Variants in RFC1 observed in about 807,000 individuals in gnomAD.
RFC1 encodes the protein replication factor C subunit 1.
Under a neutral mutation model 137.4 loss-of-function variants are expected in RFC1, and 37 were observed. That is an observed-to-expected ratio of 0.27 (90% CI 0.21 to 0.35). The LOEUF is 0.35. Among genes scored for constraint, RFC1 ranks in the 10% least tolerant of loss-of-function variants. The probability of loss-of-function intolerance (pLI) is 1.00; values close to 1 mark genes in which losing one functional copy is unlikely to be tolerated. For synonymous variants in RFC1, 429 were observed against 455.7 expected (o/e 0.94, Z 0.75); for missense variants, 1,205 against 1,358.5 (o/e 0.89, Z 1.78).
Position 39,303,120 on chromosome 4 carries a change from A to G in RFC1, c.2142T>C (p.His714=). The change falls in exon 16 of 25, where the codon CAT becomes CAC. Residue 714 remains histidine (H), a synonymous_variant. Coordinates refer to ENST00000349703, the MANE Select transcript of RFC1 (RefSeq NM_002913.5). ...NGAASSVSTK[H]ALIMDEVDGM... ...CATCTACTTCATCCATGATGAGAGC[A>G]TGTTTCGTGCTTACTGAAGAGGCTG... The G allele has an allele frequency of 1.9e-6, 3 of 1,613,940 alleles. No individual in the cohort carries two copies. The highest frequency in any genetic ancestry group is 1.7e-5 in the Admixed American group (1 of 60,020).
chr4:39,342,667 CTT>C (rs1740664229), intron 3 of RFC1, among the ~76,000 whole-genome samples, 200 bp from the exon 4 acceptor site: 1 of 152,162 alleles, frequency 6.6e-6, no homozygotes, highest in African/African-American at 2.4e-5. Flanking sequence ...TGACCACAAA[CTT>C]AGTGGCTTAA....
chr4:39,355,060 C>T (rs1477239513), intron 1 of RFC1, among the ~76,000 whole-genome samples: 3 of 136,388 alleles, frequency 2.2e-5, no homozygotes, highest in African/African-American at 8.4e-5. Context: ...CCAGTCTGGG[C>T]GACAGAGCGA....
intron 2 of RFC1, among the ~76,000 whole-genome samples, chr4:39,349,766 A>T (rs1479231514): frequency 6.6e-6 from 1 of 152,214 alleles, no homozygotes; most frequent in African/African-American, 2.4e-5. Context: ...GCACTTCAGG[A>T]GGCCGAGGCA....
At chr4:39,365,030 T>C (rs1305780194) in intron 1 of RFC1, among the ~76,000 whole-genome samples, 1 of 151,948 alleles carries the variant, frequency 6.6e-6, no homozygotes, top group Non-Finnish European at 1.5e-5. Flanking sequence ...TAGTATAACA[T>C]GGTGGTCAGA....
At chr4:39,337,813 T>C (rs1444770098) in intron 4 of RFC1, among the ~76,000 whole-genome samples, 1 of 152,190 alleles carries the variant, frequency 6.6e-6, no homozygotes, top group Non-Finnish European at 1.5e-5. Context: ...TCACTCTTAT[T>C]ACATGGTAAC....
In RFC1 at chr4:39,304,825, C is replaced by T. The variant is rs781015457; in HGVS notation, c.2099G>A (p.Gly700Asp). 1 of 1,600,150 alleles carries T rather than the reference C, an allele frequency of 6.2e-7. No individual in the cohort carries two copies. Among genetic ancestry groups the T allele is most frequent in the Non-Finnish European group, 8.6e-7 (1 of 1,167,414 alleles). Residue 700 changes from glycine (G) to aspartate (D), a missense_variant, in exon 15 of 25, where the codon GGC (glycine) becomes GAC (aspartate). By Grantham distance (94) the Gly-to-Asp change is moderately conservative. Transcript: ENST00000349703. ...AESLNNTSIK[G>D]FYSNGAASSV... The stretch of plus-strand genomic sequence containing the variant: ...AAAAAGCCACATACTTGAATAAAAG[C>T]CTTTGATGCTGGTATTGTTCAGTGA...
intron 1 of RFC1, among the ~76,000 whole-genome samples, chr4:39,357,377 T>C (rs1409367002): frequency 1.3e-5 from 2 of 152,210 alleles, no homozygotes. Flanking sequence ...AAATACTCTA[T>C]CACAGAAGTT....
At chr4:39,328,590 G>C (rs1201670242) in intron 4 of RFC1, among the ~76,000 whole-genome samples, 2 of 152,206 alleles carry the variant, frequency 1.3e-5, no homozygotes, top group Non-Finnish European at 2.9e-5. Context: ...GAAAAGCCGA[G>C]ACGGAAGTGT....
chr4:39,289,880 G>C lies in RFC1; in HGVS notation c.3328C>G (p.Gln1110Glu). Residue 1110 changes from glutamine (Q) to glutamate (E), a missense_variant, in exon 24 of 25, where the codon CAA becomes GAA. By Grantham distance (29) the Gln-to-Glu change is conservative (BLOSUM62 2). Coordinates refer to ENST00000349703, the MANE Select transcript of RFC1 (RefSeq NM_002913.5). ...EDDSQSDEKDQDAIETDAMIK... is the reference protein window; with the variant it reads ...EDDSQSDEKDEDAIETDAMIK... The stretch of plus-strand genomic sequence containing the variant: ...ATGGCATCAGTTTCTATAGCATCTT[G>C]GTCTTTCTCATCAGATTGAGAGTCA... The C allele has an allele frequency of 6.2e-7, 1 of 1,612,610 alleles. No individual in the cohort carries two copies. Among genetic ancestry groups the C allele is most frequent in the Non-Finnish European group, 8.5e-7 (1 of 1,178,686 alleles).
At chr4:39,345,597 T>A (rs1355633521) in intron 2 of RFC1, 121 bp from the exon 3 acceptor site, 3 of 689,878 alleles carry the variant, frequency 4.3e-6, no homozygotes, top group East Asian at 5.9e-5. Flanking sequence ...CTCGGCTCAC[T>A]GCAAGCTCCG....
intron 16 of RFC1, 21 bp downstream of exon 16, chr4:39,303,039 A>G (rs977033085): frequency 6.3e-7 from 1 of 1,585,052 alleles, no homozygotes; most frequent in African/African-American, 1.3e-5. Context: ...TGAAACTGCA[A>G]AAATACAGCA....
At chr4:39,299,495 C>T (rs1738223939) in intron 21 of RFC1, among the ~76,000 whole-genome samples, 1 of 151,748 alleles carries the variant, frequency 6.6e-6, no homozygotes. Flanking sequence ...CGCCTGTAGT[C>T]CCAGCTACCC....
At chr4:39,334,019 G>T (rs1172682064) in intron 4 of RFC1, among the ~76,000 whole-genome samples, 1 of 151,992 alleles carries the variant, frequency 6.6e-6, no homozygotes, top group East Asian at 1.9e-4. Context: ...GAAGGTACGA[G>T]TAACTCTAGT....
chr4:39,311,415 C>T (rs1362568467), intron 12 of RFC1, 30 bp downstream of exon 12: 17 of 1,561,994 alleles, frequency 1.1e-5, no homozygotes, highest in Non-Finnish European at 1.4e-5. Context: ...TAATATACAC[C>T]AACTTAAATC....
intron 9 of RFC1, among the ~76,000 whole-genome samples, chr4:39,318,353 A>AT (rs550514671): frequency 1.2e-3 from 177 of 152,202 alleles, no homozygotes; most frequent in African/African-American, 3.9e-3. Flanking sequence ...GGGAAACTCC[A>AT]TTTTTTTAAC....
At position 39,300,251 on chromosome 4, in the gene RFC1, G is replaced by A; in HGVS notation, c.2690+9C>T. 2.5e-6 allele frequency: 4 copies of A among 1,614,026 alleles called. No homozygotes were observed. On this transcript the variant is annotated intron_variant, in intron 20 of 24. Coordinates refer to ENST00000349703, the MANE Select transcript of RFC1 (RefSeq NM_002913.5). The stretch of plus-strand genomic sequence containing the variant: ...CTAAGCACACCTCTCACCAGCTCTG[G>A]ACACTCACCCTGCTGCTACAGGCTT...
intron 3 of RFC1, among the ~76,000 whole-genome samples, chr4:39,343,620 C>T (rs1444661215): frequency 6.6e-6 from 1 of 152,186 alleles, no homozygotes; most frequent in Admixed American, 6.5e-5. Context: ...CTGTAGTAAA[C>T]TGTATCAAAC....
At chr4:39,306,475 T>TAA in intron 14 of RFC1, 117 bp downstream of exon 14, 1 of 568,248 alleles carries the variant, frequency 1.8e-6, no homozygotes, top group Non-Finnish European at 3.1e-6. Flanking sequence ...TAAACACAGT[T>TAA]TATATATAGA....
chr4:39,322,093 G>A (rs1375668558), intron 7 of RFC1, among the ~76,000 whole-genome samples: 2 of 151,628 alleles, frequency 1.3e-5, no homozygotes, highest in African/African-American at 4.8e-5. Flanking sequence ...CTAATCTCCT[G>A]GAGATAAATA....
Sources: allele counts gnomAD v4.1 joint callset (sites outside exome capture counted in the v4.1 genomes callset), GRCh38; gene constraint gnomAD v4.1.1; transcripts MANE v1.5; gene names NCBI Gene and HGNC (gene_info 2026-07-23, HGNC 2026-07-21).